BACH2: variants seen among roughly 807,000 people sequenced by gnomAD.
BACH2 encodes the protein BACH transcriptional regulator 2.
BACH2 carries 5 observed loss-of-function variants against 61.8 expected under a neutral mutation model. That is an observed-to-expected ratio of 0.08 (90% CI 0.04 to 0.17). The LOEUF (loss-of-function observed/expected upper bound fraction) is 0.17, where lower values mean the gene tolerates loss of function less well. Ranked by LOEUF, BACH2 falls within the 10% of genes least tolerant of loss-of-function variation. The pLI, the probability that BACH2 is intolerant of heterozygous loss-of-function variation, is 1.00. For missense variants in BACH2, 824 were observed against 1,091.1 expected, an observed-to-expected ratio of 0.76 and a Z score of 3.45; for synonymous variants, 446 against 440.1, an observed-to-expected ratio of 1.01 and a Z score of -0.17.
At chr6:90,009,544 G>A (rs1056779204) in intron 5 of BACH2, among the ~76,000 whole-genome samples, 1 of 152,174 alleles carries the variant, frequency 6.6e-6, no homozygotes, top group Non-Finnish European at 1.5e-5. Flanking sequence ...CTGAATTGAT[G>A]TACATCCCCT....
At chr6:90,158,314 TA>T (rs1235046604) in intron 4 of BACH2, among the ~76,000 whole-genome samples, 1 of 152,326 alleles carries the variant, frequency 6.6e-6, no homozygotes, top group Middle Eastern at 3.4e-3. Flanking sequence ...ACAAAAGCTC[TA>T]AAATGCCTTG....
chr6:90,265,296 T>C (rs903317396), intron 2 of BACH2, among the ~76,000 whole-genome samples: 2 of 151,666 alleles, frequency 1.3e-5, no homozygotes, highest in African/African-American at 4.8e-5. Flanking sequence ...AAATAGAATT[T>C]CTAAATAACA....
intron 5 of BACH2, among the ~76,000 whole-genome samples, chr6:90,054,411 G>A (rs1247172387): frequency 6.6e-6 from 1 of 152,210 alleles, no homozygotes; most frequent in Non-Finnish European, 1.5e-5. Context: ...CGGCAGCGAG[G>A]CTGGGGGAGG....
At chr6:89,943,912 C>G (rs1304799916) in intron 7 of BACH2, among the ~76,000 whole-genome samples, 4 of 152,150 alleles carry the variant, frequency 2.6e-5, no homozygotes. Context: ...CTGAGGAGAC[C>G]CTCAGATCCC....
intron 4 of BACH2, among the ~76,000 whole-genome samples, chr6:90,120,833 TGCATAAACTGTTAATGTCA>T (rs1428168675): frequency 6.6e-6 from 1 of 152,222 alleles, no homozygotes; most frequent in Non-Finnish European, 1.5e-5. Flanking sequence ...CAGCTCTCTC[TGCATAAACTGTTAATGTCA>T]GCTATACTTG....
chr6:89,954,939 A>T (rs1774345257), intron 6 of BACH2, among the ~76,000 whole-genome samples: 1 of 152,208 alleles, frequency 6.6e-6, no homozygotes, highest in Non-Finnish European at 1.5e-5. Context: ...AGAGCTCATA[A>T]CTAGCTCTTC....
chr6:90,195,271 A>G (rs1768717781), intron 4 of BACH2, among the ~76,000 whole-genome samples: 1 of 152,178 alleles, frequency 6.6e-6, no homozygotes, highest in Non-Finnish European at 1.5e-5. Context: ...ACAGTCTGAC[A>G]TGATTAGCGT....
chr6:90,010,301 C>T (rs1250479854), intron 5 of BACH2, among the ~76,000 whole-genome samples: 1 of 152,180 alleles, frequency 6.6e-6, no homozygotes, highest in Non-Finnish European at 1.5e-5. Flanking sequence ...AGCTTTCTGA[C>T]ATTCTATATT....
intron 4 of BACH2, among the ~76,000 whole-genome samples, chr6:90,143,261 C>T (rs1367764898): frequency 6.6e-6 from 1 of 152,026 alleles, no homozygotes; most frequent in Non-Finnish European, 1.5e-5. Context: ...TGAGATGGTA[C>T]AATGAAGGAA....
At chr6:90,199,714 G>GT (rs1474272166) in intron 4 of BACH2, among the ~76,000 whole-genome samples, 1 of 152,140 alleles carries the variant, frequency 6.6e-6, no homozygotes, top group Non-Finnish European at 1.5e-5. Context: ...CAATGTACAC[G>GT]TAACAGAGGG....
intron 5 of BACH2, among the ~76,000 whole-genome samples, chr6:90,017,557 C>T (rs1007856245): frequency 2.6e-5 from 4 of 152,088 alleles, no homozygotes; most frequent in African/African-American, 7.2e-5. Flanking sequence ...CCTTCGAGTT[C>T]ACTAATCTCT....
chr6:90,164,333 G>A (rs182231057), intron 4 of BACH2, among the ~76,000 whole-genome samples: 9 of 152,196 alleles, frequency 5.9e-5, no homozygotes, highest in East Asian at 1.9e-4. Flanking sequence ...TAAATTCCTC[G>A]ACACAGACAC....
intron 2 of BACH2, among the ~76,000 whole-genome samples, chr6:90,253,964 C>T (rs1458164879): frequency 2.6e-5 from 4 of 152,118 alleles, no homozygotes; most frequent in Non-Finnish European, 5.9e-5. Context: ...ACCTTTTGTA[C>T]ACAATTGTGC....
chr6:89,946,806 T>C (rs1773752435), intron 7 of BACH2, among the ~76,000 whole-genome samples: 1 of 152,182 alleles, frequency 6.6e-6, no homozygotes, highest in Admixed American at 6.5e-5. Context: ...TGTTTGGGGC[T>C]GGGTATGCTG....
chr6:90,063,628 CT>C (rs1169649861), intron 5 of BACH2, among the ~76,000 whole-genome samples: 1 of 152,172 alleles, frequency 6.6e-6, no homozygotes, highest in Non-Finnish European at 1.5e-5. Flanking sequence ...AGCTTTGGCT[CT>C]TTTACTTATA....
At chr6:90,270,637 A>G (rs1771488421) in intron 2 of BACH2, among the ~76,000 whole-genome samples, 1 of 152,226 alleles carries the variant, frequency 6.6e-6, no homozygotes, top group Non-Finnish European at 1.5e-5. Context: ...AATATTATGA[A>G]AATGACCATA....
chr6:90,214,081 T>C (rs1408779409), intron 3 of BACH2, among the ~76,000 whole-genome samples: 2 of 152,220 alleles, frequency 1.3e-5, no homozygotes, highest in African/African-American at 4.8e-5. Context: ...AAAAGAGATT[T>C]CATTGTCCTA....
intron 4 of BACH2, among the ~76,000 whole-genome samples, chr6:90,092,057 G>GT (rs1782180404): frequency 6.6e-6 from 1 of 151,688 alleles, no homozygotes; most frequent in Admixed American, 6.6e-5. Context: ...AGTATACTTT[G>GT]TTTTTTCCAA....
chr6:89,966,441 A>G (rs1216934422), intron 6 of BACH2, among the ~76,000 whole-genome samples: 6 of 152,208 alleles, frequency 3.9e-5, no homozygotes, highest in Non-Finnish European at 5.9e-5. Context: ...ACAAAACCCC[A>G]TATGTGAATT....
Sources: gnomAD v4.1 joint callset for allele counts (sites outside exome capture counted in the v4.1 genomes callset) on GRCh38, gnomAD v4.1.1 for gene constraint, MANE v1.5 for transcripts, NCBI Gene and HGNC (gene_info 2026-07-23, HGNC 2026-07-21) for gene names.